Variants in AP3D1 observed in about 807,000 individuals in gnomAD.
AP3D1 encodes the protein AP-3 complex subunit delta-1.
Under a neutral mutation model 147.6 loss-of-function variants are expected in AP3D1, and 51 were observed. That is an observed-to-expected ratio of 0.35 (90% confidence interval 0.28 to 0.44). AP3D1 has a LOEUF of 0.44. Ranked by LOEUF, AP3D1 falls within the 20% of genes least tolerant of loss-of-function variation. The pLI is 1.00. For missense variants in AP3D1, 1,421 were observed against 1,624.2 expected, an observed-to-expected ratio of 0.87 and a Z score of 2.15; for synonymous variants, 760 against 663.0, an observed-to-expected ratio of 1.15 and a Z score of -2.25.
At chr19:2,148,488 A>G (rs113846992) in intron 1 of AP3D1, among the ~76,000 whole-genome samples, 1 of 152,332 alleles carries the variant, frequency 6.6e-6, no homozygotes, top group African/African-American at 2.4e-5. Context: ...CTTACCTAGC[A>G]TAACCATTAA....
At position 2,127,026 on chromosome 19, in the gene AP3D1, G is replaced by C. The variant is rs1343040013; in HGVS notation, c.856+126C>G. The C allele has an allele frequency of 1.1e-5, 11 of 1,032,732 alleles. No individual in the cohort carries two copies. In the East Asian group the frequency reaches 2.8e-4, roughly 26 times the overall value. 64.0% of individuals were successfully genotyped at this position (1,032,732 alleles called of 1,614,324 possible). A position where few individuals can be genotyped will look rare whatever the true frequency, so the allele number is the denominator to read the frequency against. Reference sequence around the variant, plus strand: ...AGCCAGCCCCAGGCCCCACCAGCCAGCTTTCCTTCTCAGTTCCAGCAGGGG... The same window carrying C: ...AGCCAGCCCCAGGCCCCACCAGCCACCTTTCCTTCTCAGTTCCAGCAGGGG... On this transcript the variant is annotated intron_variant, in intron 9 of 31. Transcript: ENST00000643116.
At position 2,141,502 on chromosome 19, in the gene AP3D1, C is replaced by T. The variant is rs914731260; in HGVS notation, c.97-2788G>A. Among the ~76,000 whole-genome samples the T allele has an allele frequency of 3.6e-5, 5 of 139,706 alleles. No homozygotes were observed. The East Asian group carries it at 8.4e-4, about 23-fold the overall frequency. 91.7% of individuals were successfully genotyped at this position (139,706 alleles called of 152,430 possible). ...AGGCTGGAGTGCAGTGGTACGATCTCGGCTCACTGCAACCTCCGCCTCTCG... is the reference window on the plus strand; with the variant it reads ...AGGCTGGAGTGCAGTGGTACGATCTTGGCTCACTGCAACCTCCGCCTCTCG... On this transcript the variant is annotated intron_variant, in intron 1 of 31. Transcript: ENST00000643116.
chr19:2,114,820 T>G lies in AP3D1; in HGVS notation c.2351A>C (p.Asn784Thr). The G allele has an allele frequency of 6.2e-7, 1 of 1,613,736 alleles. No homozygotes were observed. The change falls in exon 21 of 32, where the codon AAT becomes ACT. Residue 784 changes from asparagine to threonine, a missense_variant and splice_region_variant. Around this residue, in one of 6 missense-constraint regions of AP3D1, gnomAD observed 791 missense variants for 761.4 expected, o/e 1.04. Coordinates refer to ENST00000643116, the MANE Select transcript of AP3D1 (RefSeq NM_001261826.3). ...GTCATCCTCGTCGCTGGGCAGAGCA[T>G]TCTGACAGGAAGAGAGGAACCCCAT... The part of the protein sequence containing the change: ...VDIVTEEMPE[N>T]ALPSDEDDKD...
intron 31 of AP3D1, among the ~76,000 whole-genome samples, chr19:2,107,650 G>A (rs975292817): frequency 1.3e-4 from 19 of 151,466 alleles, no homozygotes; most frequent in Admixed American, 1.1e-3. Context: ...TGAGGCAGGA[G>A]AATGGCGTGA....
At chr19:2,149,697 C>T (rs1002899446) in intron 1 of AP3D1, among the ~76,000 whole-genome samples, 4 of 152,164 alleles carry the variant, frequency 2.6e-5, no homozygotes, top group African/African-American at 7.2e-5. Flanking sequence ...GAAAACCATG[C>T]CCCAGACTAG....
At chr19:2,107,068 C>G (rs1047930149) in intron 31 of AP3D1, among the ~76,000 whole-genome samples, 1 of 151,912 alleles carries the variant, frequency 6.6e-6, no homozygotes, top group African/African-American at 2.4e-5. Flanking sequence ...TTGAGACCAT[C>G]CTGGCTAACA....
At chr19:2,128,471 C>T (rs1424205277) in intron 8 of AP3D1, among the ~76,000 whole-genome samples, 10 of 128,956 alleles carry the variant, frequency 7.8e-5, no homozygotes, top group African/African-American at 2.5e-4. Flanking sequence ...CGGCCCGCCC[C>T]CGCCGCTCCG....
upstream of AP3D1, among the ~76,000 whole-genome samples, chr19:2,155,822 G>A (rs1316189323): frequency 6.6e-6 from 1 of 152,124 alleles, no homozygotes; most frequent in Non-Finnish European, 1.5e-5. Context: ...GGAGGCCGAG[G>A]TGGGCGGATC....
At chr19:2,161,866 T>G (rs2019701228) in intron 1 of AP3D1, among the ~76,000 whole-genome samples, 2 of 151,810 alleles carry the variant, frequency 1.3e-5, no homozygotes, top group Non-Finnish European at 2.9e-5. Flanking sequence ...GGAGAATCGC[T>G]GGAACCTAGG....
intron 6 of AP3D1, among the ~76,000 whole-genome samples, chr19:2,129,796 C>T (rs1178020837): frequency 3.3e-5 from 5 of 152,230 alleles, no homozygotes; most frequent in Admixed American, 3.3e-4. Context: ...GCCCAGCCAT[C>T]GGGGCTCAGG....
At chr19:2,119,515 A>C (rs1231092840) in intron 14 of AP3D1, among the ~76,000 whole-genome samples, 2 of 152,068 alleles carry the variant, frequency 1.3e-5, no homozygotes, top group Non-Finnish European at 2.9e-5. Flanking sequence ...AACACGGTGA[A>C]ACCCCATCTC....
In AP3D1 at chr19:2,116,979, C is replaced by T. The variant is rs916854221; in HGVS notation, c.1860-233G>A. ...CCCCCACGGCAGGCTCAGGCTGCCT[C>T]AGAGCTTTATGGCAAGGGTGGGAGC... On this transcript the variant is annotated intron_variant, in intron 16 of 31. Coordinates refer to ENST00000643116, the MANE Select transcript of AP3D1 (RefSeq NM_001261826.3). 10 of 800,694 alleles carry T rather than the reference C, an allele frequency of 1.2e-5. No individual in the cohort carries two copies. The African/African-American group carries it at 1.6e-4, about 13-fold the overall frequency. 49.6% of individuals were successfully genotyped at this position (800,694 alleles called of 1,614,324 possible).
chr19:2,123,431 T>C lies in AP3D1; in HGVS notation c.907-25A>G, dbSNP rs772362904. 13 of 1,613,168 alleles carry C rather than the reference T, an allele frequency of 8.1e-6. No homozygotes were observed. The South Asian group carries it at 1.2e-4, about 15-fold the overall frequency. ...GCTGAAAAGAAGAAAAAAACGATGC[T>C]GGTTACATCCTCTAAACCAAGGGTG... On this transcript the variant is annotated intron_variant, in intron 10 of 31. Transcript: ENST00000643116.
chr19:2,146,490 G>A (rs1308651328), intron 1 of AP3D1, among the ~76,000 whole-genome samples: 1 of 151,770 alleles, frequency 6.6e-6, no homozygotes, highest in Non-Finnish European at 1.5e-5. Context: ...TGTAATCCCA[G>A]CTACTTCGGA....
chr19:2,137,075 G>A lies in AP3D1; in HGVS notation c.290C>T (p.Ala97Val). 6.3e-7 allele frequency: 1 copy of A among 1,590,736 alleles called. No individual in the cohort carries two copies. Among genetic ancestry groups the A allele is most frequent in the Non-Finnish European group, 8.6e-7 (1 of 1,168,820 alleles). ...GCCTTCGTGAAAGCTCTGGGAAGCAGCGAGGTAGCCAATTCGCTGGGAGAG... is the reference window on the plus strand; with the variant it reads ...GCCTTCGTGAAAGCTCTGGGAAGCAACGAGGTAGCCAATTCGCTGGGAGAG... ...KFTFKRIGYL[A>V]ASQSFHEGTD... Residue 97 changes from alanine to valine, a missense_variant, in exon 4 of 32, where the codon GCT (alanine) becomes GTT (valine). By Grantham distance (64) the Ala-to-Val change is moderately conservative. Transcript: ENST00000643116.
intron 29 of AP3D1, chr19:2,109,669 G>A (rs576493999): frequency 1.4e-4 from 85 of 587,968 alleles, no homozygotes; most frequent in Admixed American, 7.2e-4. Flanking sequence ...TATGGGTGAC[G>A]CTGCCTGGCC....
In AP3D1 at chr19:2,109,933, T is replaced by G. The variant is rs1457060604; in HGVS notation, c.3290A>C (p.Lys1097Thr). ...GCTGAAGTGCAGCCTGAAGTCCAGC[T>G]TCTCGTGGGTCGCACCCTCGTCATT... is the stretch of plus-strand genomic sequence containing the variant. ...AKNDEGATHE[K>T]LDFRLHFSCS... is the part of the protein sequence containing the mutation. The change falls in exon 29 of 32, where the codon AAG becomes ACG. Residue 1097 changes from lysine (K) to threonine (T), a missense_variant. Physicochemically the swap from Lys to Thr is moderately conservative, Grantham distance 78. This residue lies in a region of AP3D1 where 791 missense variants were observed against 761.4 expected (regional missense o/e 1.04). Coordinates refer to ENST00000643116, the MANE Select transcript of AP3D1 (RefSeq NM_001261826.3). 3 of 1,613,592 alleles carry G rather than the reference T, an allele frequency of 1.9e-6. No individual in the cohort carries two copies. Among genetic ancestry groups the G allele is most frequent in the East Asian group, 4.5e-5 (2 of 44,856 alleles).
upstream of AP3D1, among the ~76,000 whole-genome samples, chr19:2,154,939 G>A (rs186210249): frequency 6.4e-4 from 97 of 152,330 alleles, no homozygotes; most frequent in African/African-American, 2.2e-3. Flanking sequence ...CAGCACTTCC[G>A]GAGGCTGAGG....
At chr19:2,158,246 C>T (rs368467268) in intron 1 of AP3D1, among the ~76,000 whole-genome samples, 1 of 151,928 alleles carries the variant, frequency 6.6e-6, no homozygotes, top group East Asian at 1.9e-4. Flanking sequence ...TTAGTAGAGA[C>T]GGGGTTTCAC....
Sources: allele counts gnomAD v4.1 joint callset (sites outside exome capture counted in the v4.1 genomes callset), GRCh38; gene constraint gnomAD v4.1.1; regional missense constraint gnomAD v4.1.1; transcripts MANE v1.5; gene names NCBI Gene and HGNC (gene_info 2026-07-23, HGNC 2026-07-21).